The following LRP2 variants were observed in gnomAD, a reference collection of about 807,000 sequenced individuals.
LRP2 encodes LDL receptor related protein 2, also known as low-density lipoprotein receptor-related protein 2.
A neutral mutation model predicts 531.0 loss-of-function variants in LRP2; 172 were observed. The ratio of observed to expected loss-of-function variants is 0.32; its 90% CI spans 0.29 to 0.37. LRP2 has a LOEUF of 0.37. Among genes scored for constraint, LRP2 ranks in the 10% least tolerant of loss-of-function variants. The pLI, the probability that LRP2 is intolerant of heterozygous loss-of-function variation, is 1.00. For missense variants in LRP2, 5,167 were observed against 5,868.3 expected (o/e 0.88, Z 3.90); for synonymous variants, 1,992 against 2,027.6 (o/e 0.98, Z 0.47).
At chr2:169,131,254 A>AGTGTGTGTGT (rs3835382) in intron 77 of LRP2, among the ~76,000 whole-genome samples, 40 of 148,644 alleles carry the variant, frequency 2.7e-4, no homozygotes, top group Non-Finnish European at 5.4e-4. Flanking sequence ...TGAGTGTATG[A>AGTGTGTGTGT]GTGTGTGTGT....
rs1683981535 is a variant in LRP2 at position 169,290,882 on chromosome 2, T to C, written c.885A>G (p.Arg295=). The C allele has an allele frequency of 3.1e-6, 5 of 1,614,164 alleles. No individual in the cohort carries two copies. The highest frequency in any genetic ancestry group is 1.1e-5 in the South Asian group (1 of 91,084). The change falls in exon 8 of 79, where the codon AGA becomes AGG. Residue 295 remains arginine, a synonymous_variant. Coordinates refer to ENST00000649046, the MANE Select transcript of LRP2 (RefSeq NM_004525.3). ...VCDGILDCPG[R]EDENNTSTGK... is the part of the protein sequence containing the mutation. ...CGGTACTAGTGTTGTTTTCATCTTC[T>C]CTTCCTGGGCAATCTAAAATCCCAT...
intron 1 of LRP2, among the ~76,000 whole-genome samples, chr2:169,358,890 G>A (rs1330373934): frequency 9.7e-6 from 1 of 102,874 alleles, no homozygotes; most frequent in Admixed American, 1.2e-4. Context: ...AGGCCAATAC[G>A]ATTTTCTCAA....
chr2:169,280,360 A>T lies in LRP2; in HGVS notation c.1331T>A (p.Val444Glu), dbSNP rs1208135568. The T allele has an allele frequency of 5.6e-6, 9 of 1,614,182 alleles. No homozygotes were observed. The highest frequency in any genetic ancestry group is 7.6e-6 in the Non-Finnish European group (9 of 1,180,020). The change falls in exon 11 of 79, where the codon GTG (valine) becomes GAG (glutamate). Residue 444 changes from valine to glutamate, a missense_variant. This residue lies in a region of LRP2 where 2,811 missense variants were observed against 3,058.0 expected (regional missense o/e 0.92). Transcript: ENST00000649046. Reference sequence around the variant, plus strand: ...GAAATTTCTATTTACCTTATTTTGCACGGTGTCTGTCCAAAAAACTCTTTG... The same window carrying T: ...GAAATTTCTATTTACCTTATTTTGCTCGGTGTCTGTCCAAAAAACTCTTTG... ...HLQRVFWTDT[V>E]QNKVFSVDIN...
intron 1 of LRP2, among the ~76,000 whole-genome samples, chr2:169,343,830 T>A (rs1276243864): frequency 6.6e-6 from 1 of 152,174 alleles, no homozygotes; most frequent in African/African-American, 2.4e-5. Context: ...GTGATTTAAA[T>A]TTACAACAGT....
At chr2:169,233,837 G>A (rs1689503645) in intron 29 of LRP2, among the ~76,000 whole-genome samples, 1 of 152,122 alleles carries the variant, frequency 6.6e-6, no homozygotes, top group African/African-American at 2.4e-5. Context: ...TAATTACACT[G>A]GGCATCTATT....
intron 9 of LRP2, 88 bp from the exon 10 acceptor site, chr2:169,283,089 G>A: frequency 7.2e-7 from 1 of 1,384,434 alleles, no homozygotes; most frequent in Non-Finnish European, 1.0e-6. Context: ...AGATGGCCAA[G>A]AATGTGGTGT....
intron 63 of LRP2, among the ~76,000 whole-genome samples, chr2:169,161,665 A>T (rs1197765878): frequency 1.3e-5 from 2 of 152,062 alleles, no homozygotes; most frequent in Admixed American, 6.5e-5. Flanking sequence ...GTTAAGACGG[A>T]GTTTCGCCAT....
intron 34 of LRP2, among the ~76,000 whole-genome samples, chr2:169,218,073 A>G (rs1333243066): frequency 1.3e-5 from 2 of 152,128 alleles, no homozygotes; most frequent in African/African-American, 2.4e-5. Context: ...CCACAAAGAT[A>G]TTTTTCTGCA....
intron 33 of LRP2, among the ~76,000 whole-genome samples, chr2:169,222,389 AT>A (rs747433656): frequency 1.3e-5 from 2 of 152,354 alleles, no homozygotes; most frequent in Non-Finnish European, 2.9e-5. Flanking sequence ...CCAAGGTCGA[AT>A]AGCTCATGAG....
intron 6 of LRP2, 44 bp downstream of exon 6, chr2:169,294,104 A>G: frequency 7.2e-7 from 1 of 1,387,074 alleles, no homozygotes; most frequent in South Asian, 1.2e-5. Flanking sequence ...AAACAAAACA[A>G]AACACTCCCA....
intron 4 of LRP2, among the ~76,000 whole-genome samples, chr2:169,306,470 G>A (rs1443114808): frequency 6.6e-6 from 1 of 152,148 alleles, no homozygotes; most frequent in Non-Finnish European, 1.5e-5. Flanking sequence ...GGAGGTGGAG[G>A]TTGCGGTGAG....
chr2:169,236,354 G>A lies in LRP2; in HGVS notation c.4692-286C>T, dbSNP rs114564125. Among the ~76,000 whole-genome samples, 416 of 152,156 alleles carry A rather than the reference G, an allele frequency of 2.7e-3. 2 individuals carry two copies. Among genetic ancestry groups the A allele is most frequent in the African/African-American group, 9.6e-3 (398 of 41,510 alleles). ...TTGAAATGTCTCAATGCCAATTCAT[G>A]TTTGTTTATAATCCACAAATAGTTG... On this transcript the variant is annotated intron_variant, in intron 28 of 78. Transcript: ENST00000649046.
chr2:169,214,179 G>T (rs1688698118), intron 35 of LRP2, among the ~76,000 whole-genome samples: 1 of 152,056 alleles, frequency 6.6e-6, no homozygotes, highest in East Asian at 1.9e-4. Context: ...TCTGGTCAAG[G>T]ATATACTCAA....
rs866520787 is a variant in LRP2, at chr2:169,207,047, G to A, written c.6673C>T (p.Arg2225Ter). 1.9e-6 allele frequency: 3 copies of A among 1,614,154 alleles called. No homozygotes were observed. Among genetic ancestry groups the A allele is most frequent in the Non-Finnish European group, 2.5e-6 (3 of 1,180,018 alleles). ...ATGCCCTCTGACACAAGCACTGTTCGATTGGTACAGTCAAGGAAAGAACGC... is the reference window on the plus strand; with the variant it reads ...ATGCCCTCTGACACAAGCACTGTTCAATTGGTACAGTCAAGGAAAGAACGC... ...IERSFLDCTN[R>*]TVLVSEGIVT... is the part of the protein sequence containing the mutation. The change falls in exon 39 of 79, where the codon CGA becomes TGA. Residue 2225 changes from arginine to a stop codon, truncating the protein, a stop_gained. Transcript: ENST00000649046. LOFTEE classifies it high-confidence loss of function.
At chr2:169,319,930 A>C (rs1197782134) in intron 2 of LRP2, among the ~76,000 whole-genome samples, 1 of 152,340 alleles carries the variant, frequency 6.6e-6, no homozygotes, top group South Asian at 2.1e-4. Flanking sequence ...TTTGACTGCT[A>C]TGGTATGCCA....
At chr2:169,219,951 C>T (rs1189009490) in intron 34 of LRP2, among the ~76,000 whole-genome samples, 2 of 152,102 alleles carry the variant, frequency 1.3e-5, no homozygotes, top group Non-Finnish European at 2.9e-5. Flanking sequence ...TGGTCAACAG[C>T]TCCCTACTCT....
chr2:169,148,447 T>C (rs1318042193), intron 68 of LRP2, among the ~76,000 whole-genome samples: 4 of 152,182 alleles, frequency 2.6e-5, no homozygotes, highest in Non-Finnish European at 4.4e-5. Context: ...AGTTGTATCA[T>C]ACCATACATA....
At chr2:169,162,981 A>T (rs62172581) in intron 62 of LRP2, among the ~76,000 whole-genome samples, 3,082 of 152,362 alleles carry the variant, frequency 0.02, 39 homozygotes, top group Non-Finnish European at 0.03. Flanking sequence ...ATTTCAGGAT[A>T]TGCTGGTTGC....
At chr2:169,172,185 A>T in intron 57 of LRP2, 51 bp from the exon 58 acceptor site, 1 of 1,611,026 alleles carries the variant, frequency 6.2e-7, no homozygotes, top group Non-Finnish European at 8.5e-7. Flanking sequence ...AGAGAAATGC[A>T]CAAAGTAGTA....
Sources: allele counts gnomAD v4.1 joint callset (sites outside exome capture counted in the v4.1 genomes callset), GRCh38; gene constraint gnomAD v4.1.1; regional missense constraint gnomAD v4.1.1; transcripts MANE v1.5; gene names NCBI Gene and HGNC (gene_info 2026-07-23, HGNC 2026-07-21).